GNAL: variants seen among roughly 807,000 people sequenced by gnomAD.
GNAL encodes G protein subunit alpha L.
A neutral mutation model predicts 55.1 loss-of-function variants in GNAL; 18 were observed. The ratio of observed to expected loss-of-function variants is 0.33; its 90% CI spans 0.23 to 0.48. The LOEUF (loss-of-function observed/expected upper bound fraction) is 0.48. Among genes scored for constraint, GNAL ranks in the 20% least tolerant of loss-of-function variants. GNAL has a pLI of 0.99. For missense variants in GNAL, 412 were observed against 614.1 expected (o/e 0.67, Z 3.48); for synonymous variants, 253 against 237.0 (o/e 1.07, Z -0.62).
intron 4 of GNAL, among the ~76,000 whole-genome samples, chr18:11,766,011 T>G (rs1175418727): frequency 6.6e-6 from 1 of 152,218 alleles, no homozygotes; most frequent in African/African-American, 2.4e-5. Context: ...GCTAGTTTTA[T>G]GTAACTGAGA....
At chr18:11,755,355 G>A (rs2033015336) in intron 4 of GNAL, among the ~76,000 whole-genome samples, 1 of 152,094 alleles carries the variant, frequency 6.6e-6, no homozygotes, top group Non-Finnish European at 1.5e-5. Context: ...CTCACTGAAA[G>A]CTCCGCCTCC....
chr18:11,777,064 T>G (rs1409726610), intron 4 of GNAL, among the ~76,000 whole-genome samples: 1 of 152,190 alleles, frequency 6.6e-6, no homozygotes, highest in Admixed American at 6.6e-5. Flanking sequence ...TATCCCTCGG[T>G]CCTCTTTAAA....
Position 11,751,666 on chromosome 18 carries a change from A to C in GNAL, c.377-1187A>C, listed in dbSNP as rs1712862349. 2.0e-6 allele frequency: 2 copies of C among 985,242 alleles called. No individual in the cohort carries two copies. The highest frequency in any genetic ancestry group is 2.4e-6 in the Non-Finnish European group (2 of 829,932). 61.0% of individuals were successfully genotyped at this position (985,242 alleles called of 1,614,324 possible). On this transcript the variant is annotated intron_variant, in intron 1 of 11. Coordinates refer to ENST00000334049, the MANE Select transcript of GNAL (RefSeq NM_182978.4). The surrounding 1 kb of genome is among the most constrained non-coding windows in gnomAD (Gnocchi z 4.5). Reference sequence around the variant, plus strand: ...CAAGAGAGCCAGGCGGCCGCGGCGCAGCGGAGGGGCTGCGGGCCCGGAACC... The same window carrying C: ...CAAGAGAGCCAGGCGGCCGCGGCGCCGCGGAGGGGCTGCGGGCCCGGAACC...
chr18:11,816,389 C>T (rs1199552134), intron 4 of GNAL, among the ~76,000 whole-genome samples: 5 of 151,950 alleles, frequency 3.3e-5, no homozygotes, highest in Non-Finnish European at 5.9e-5. Flanking sequence ...CTCTGCCTCC[C>T]GGGTTCAAGC....
At chr18:11,757,156 C>T (rs1234096875) in intron 4 of GNAL, among the ~76,000 whole-genome samples, 2 of 152,154 alleles carry the variant, frequency 1.3e-5, no homozygotes, top group Non-Finnish European at 2.9e-5. Context: ...CTTTTGCTCT[C>T]TGTGGTGTCT....
intron 5 of GNAL, chr18:11,851,925 C>A: frequency 6.2e-7 from 1 of 1,613,972 alleles, no homozygotes; most frequent in Admixed American, 1.7e-5. Context: ...CGATGAGCAG[C>A]ACGACGACGC....
At chr18:11,830,222 C>G (rs2035347985) in intron 5 of GNAL, among the ~76,000 whole-genome samples, 1 of 150,718 alleles carries the variant, frequency 6.6e-6, no homozygotes, top group South Asian at 2.1e-4. Flanking sequence ...TGGAAAAGCT[C>G]TGACTTAAAT....
rs1417268810 is a variant in GNAL at position 11,769,006 on chromosome 18, A to G, written c.624+15061A>G. On this transcript the variant is annotated intron_variant, in intron 4 of 11. Transcript: ENST00000334049. ...TATATTCTATATTATAATATAGAAT[A>G]TATATATTCTATATTATAATATATT... Among the ~76,000 whole-genome samples the G allele has an allele frequency of 4.0e-4, 40 of 100,610 alleles. 1 individual carries two copies. The highest frequency in any genetic ancestry group is 3.2e-3 in the East Asian group (15 of 4,754). 66.0% of individuals were successfully genotyped at this position (100,610 alleles called of 152,430 possible).
chr18:11,733,858 C>G (rs1598418082), intron 1 of GNAL, among the ~76,000 whole-genome samples: 6 of 149,182 alleles, frequency 4.0e-5, no homozygotes, highest in Admixed American at 4.0e-4. Context: ...CTTGTATCCC[C>G]TATGTCTATC....
At chr18:11,690,004 G>A (rs890284082) in intron 1 of GNAL, 65 bp downstream of exon 1, 5 of 987,094 alleles carry the variant, frequency 5.1e-6, no homozygotes, top group Non-Finnish European at 6.5e-6. Flanking sequence ...CGGGGGCGGC[G>A]GGCACCGGGG....
intron 4 of GNAL, among the ~76,000 whole-genome samples, chr18:11,806,623 T>G (rs1327814898): frequency 6.6e-6 from 1 of 152,136 alleles, no homozygotes; most frequent in African/African-American, 2.4e-5. Flanking sequence ...GCCCATTAAC[T>G]GTCCTTCCAC....
chr18:11,711,363 C>T (rs1175741018), intron 1 of GNAL, among the ~76,000 whole-genome samples: 1 of 152,058 alleles, frequency 6.6e-6, no homozygotes, highest in South Asian at 2.1e-4. Flanking sequence ...TAATGGTGTC[C>T]TATAACTTCC....
intron 1 of GNAL, among the ~76,000 whole-genome samples, chr18:11,718,411 A>G (rs535605295): frequency 3.3e-5 from 5 of 152,306 alleles, no homozygotes; most frequent in East Asian, 1.9e-4. Flanking sequence ...GGCAGAGTCA[A>G]TAGGGTCAGG....
intron 1 of GNAL, among the ~76,000 whole-genome samples, chr18:11,749,766 G>A (rs1568008641): frequency 6.6e-6 from 1 of 152,162 alleles, no homozygotes; most frequent in Non-Finnish European, 1.5e-5. Flanking sequence ...GCTTGAGGCT[G>A]GAAGGATAAC....
At chr18:11,753,024 A>G (rs2032909078) in intron 2 of GNAL, 99 bp downstream of exon 2, 4 of 660,298 alleles carry the variant, frequency 6.1e-6, no homozygotes, top group South Asian at 5.6e-5. Context: ...TTTATTTGAT[A>G]ATGGAGTAGA....
intron 4 of GNAL, among the ~76,000 whole-genome samples, chr18:11,776,787 CTT>C (rs931718586): frequency 6.7e-6 from 1 of 149,144 alleles, no homozygotes; most frequent in Non-Finnish European, 1.5e-5. Context: ...TTGTCAAAAA[CTT>C]TAAAATTGTG....
At position 11,884,340 on chromosome 18, in the gene GNAL, C is replaced by T. The variant is rs2036857278; in HGVS notation, c.*3205C>T. 1.9e-6 allele frequency: 2 copies of T among 1,060,506 alleles called. No homozygotes were observed. The highest frequency in any genetic ancestry group is 1.6e-5 in the African/African-American group (1 of 63,402). 65.7% of individuals were successfully genotyped at this position (1,060,506 alleles called of 1,614,324 possible). ...AGTGATTGAGAATTTCTGTGCTGTG[C>T]AGAGAGACGGCCTGTAATTGGTCTC... On this transcript the variant is annotated 3_prime_UTR_variant, in exon 12 of 12. Coordinates refer to ENST00000334049, the MANE Select transcript of GNAL (RefSeq NM_182978.4).
rs1224388335 is a variant in GNAL, at chr18:11,752,910, A to G, written c.434A>G (p.Asn145Ser). 3 of 1,599,140 alleles carry G rather than the reference A, an allele frequency of 1.9e-6. No individual in the cohort carries two copies. The highest frequency in any genetic ancestry group is 2.7e-5 in the African/African-American group (2 of 74,564). ...IVKQMRILHV[N>S]GFNPEEKKQK... ...AAACAGATGAGGATCCTGCACGTCA[A>G]TGGGTTTAATCCCGAGTAAGAATGT... Residue 145 changes from asparagine to serine, a missense_variant, in exon 2 of 12, where the codon AAT becomes AGT. By Grantham distance (46) the Asn-to-Ser change is conservative (BLOSUM62 1). Transcript: ENST00000334049. This position sits in a 1 kb window ranked among gnomAD's most constrained non-coding sequence, Gnocchi z 4.5.
Position 11,884,135 on chromosome 18 carries a change from A to G in GNAL, c.*3000A>G, listed in dbSNP as rs1476600542. 1.2e-5 allele frequency: 3 copies of G among 259,078 alleles called. No homozygotes were observed. In the East Asian group the frequency reaches 2.5e-4, roughly 22 times the overall value. 16.0% of individuals were successfully genotyped at this position (259,078 alleles called of 1,614,324 possible). On this transcript the variant is annotated 3_prime_UTR_variant, in exon 12 of 12. Coordinates refer to ENST00000334049, the MANE Select transcript of GNAL (RefSeq NM_182978.4). ...GGGCCACCAGGCCCTTCCTGGGGGA[A>G]CAAGGACTGTCGTGCATGTGAGTGA... is the stretch of plus-strand genomic sequence containing the variant.
Sources: allele counts gnomAD v4.1 joint callset (sites outside exome capture counted in the v4.1 genomes callset), GRCh38; gene constraint gnomAD v4.1.1; non-coding constraint Gnocchi (gnomAD v3.1); transcripts MANE v1.5; gene names NCBI Gene and HGNC (gene_info 2026-07-23, HGNC 2026-07-21).